PITPNA: variants seen among roughly 807,000 people sequenced by gnomAD.
PITPNA encodes phosphatidylinositol transfer protein alpha, also known as phosphatidylinositol transfer protein alpha isoform.
In PITPNA, 13 loss-of-function variants were observed where a neutral mutation model predicts 50.3. That is an observed-to-expected ratio of 0.26 (90% CI 0.17 to 0.41). PITPNA has a LOEUF of 0.41. PITPNA is among the 10% of genes least tolerant of loss of function. The pLI, the probability that PITPNA is intolerant of heterozygous loss-of-function variation, is 1.00. For missense variants in PITPNA, 207 were observed against 333.4 expected (o/e 0.62, Z 2.95); for synonymous variants, 120 against 119.6 (o/e 1.00, Z -0.02).
At position 1,518,743 on chromosome 17, in the gene PITPNA, T is replaced by TC. The variant is rs969599693; in HGVS notation, c.*1817dup. ...TTTCAAGATAACCCGCATCTGGACT[T>TC]CCCCTAGTTGATGAATGAAGGAACA... On this transcript the variant is annotated 3_prime_UTR_variant, in exon 12 of 12. Coordinates refer to ENST00000313486, the MANE Select transcript of PITPNA (RefSeq NM_006224.4). 6.6e-6 allele frequency: 1 copy of TC among 152,204 alleles called. No individual in the cohort carries two copies. The highest frequency in any genetic ancestry group is 1.9e-4 in the East Asian group (1 of 5,202). 9.4% of individuals were successfully genotyped at this position (152,204 alleles called of 1,614,324 possible). A position where few individuals can be genotyped will look rare whatever the true frequency, so the allele number is the denominator to read the frequency against.
At chr17:1,555,451 G>C (rs867982564) in intron 2 of PITPNA, among the ~76,000 whole-genome samples, 1 of 152,146 alleles carries the variant, frequency 6.6e-6, no homozygotes, top group Non-Finnish European at 1.5e-5. Flanking sequence ...AGCCAGACTC[G>C]GATGGGGCAG....
chr17:1,540,657 C>T (rs973720564), intron 6 of PITPNA, among the ~76,000 whole-genome samples: 2 of 151,270 alleles, frequency 1.3e-5, no homozygotes, highest in South Asian at 2.1e-4. Context: ...GGCGTGATCT[C>T]GGCTCACTGC....
In PITPNA at chr17:1,551,216, A is replaced by G. The variant is rs561162096; in HGVS notation, c.197+1788T>C. On this transcript the variant is annotated intron_variant, in intron 3 of 11. Coordinates refer to ENST00000313486, the MANE Select transcript of PITPNA (RefSeq NM_006224.4). ...TGGGCAGCCAGATGGCTGACACAGT[A>G]AAGCTTCTCTTGTCACCATGGGGAG... Among the ~76,000 whole-genome samples, 3 of 152,158 alleles carry G rather than the reference A, an allele frequency of 2.0e-5. 1 individual carries two copies. In the East Asian group the frequency reaches 5.8e-4, roughly 29 times the overall value.
At chr17:1,560,453 G>C (rs2075762630) in intron 1 of PITPNA, among the ~76,000 whole-genome samples, 1 of 152,210 alleles carries the variant, frequency 6.6e-6, no homozygotes, top group Admixed American at 6.5e-5. Context: ...CACGAGTCGG[G>C]CAGGAAGGAA....
intron 5 of PITPNA, chr17:1,541,862 A>G: frequency 6.2e-6 from 4 of 640,010 alleles, no homozygotes; most frequent in South Asian, 6.1e-5. Flanking sequence ...AATCACCCTC[A>G]TTTTACAGAT....
At chr17:1,531,744 C>T (rs1461112730) in intron 10 of PITPNA, among the ~76,000 whole-genome samples, 5 of 151,918 alleles carry the variant, frequency 3.3e-5, no homozygotes, top group African/African-American at 4.8e-5. Flanking sequence ...CAACAACCAT[C>T]GGAATTACAA....
intron 10 of PITPNA, among the ~76,000 whole-genome samples, chr17:1,523,896 T>C (rs905327051): frequency 6.6e-5 from 10 of 151,678 alleles, no homozygotes; most frequent in African/African-American, 2.4e-4. Flanking sequence ...TGGACTTAAG[T>C]AGTCCTCCCG....
chr17:1,554,373 G>A (rs1038302632), intron 2 of PITPNA, among the ~76,000 whole-genome samples: 29 of 145,650 alleles, frequency 2.0e-4, no homozygotes, highest in African/African-American at 7.1e-4. Context: ...CCGGGGGGAA[G>A]ACAAGGGTGT....
intron 10 of PITPNA, among the ~76,000 whole-genome samples, chr17:1,529,860 A>G (rs78288731): frequency 8.3e-6 from 1 of 120,142 alleles, no homozygotes; most frequent in South Asian, 2.3e-4. Flanking sequence ...GTTTCAAAAG[A>G]AAAAAAAAAA....
In PITPNA at chr17:1,518,703, A is replaced by G. The variant is rs990911064; in HGVS notation, c.*1858T>C. 6.6e-6 allele frequency: 1 copy of G among 152,228 alleles called. No individual in the cohort carries two copies. The highest frequency in any genetic ancestry group is 1.5e-5 in the Non-Finnish European group (1 of 68,044). The allele number at this position is 152,228 out of a possible 1,614,324, so 9.4% of individuals were successfully genotyped here. On this transcript the variant is annotated 3_prime_UTR_variant, in exon 12 of 12. Coordinates refer to ENST00000313486, the MANE Select transcript of PITPNA (RefSeq NM_006224.4). ...CCACATAGACAACTGTCTGCCTAGA[A>G]TGTCAGTTTGTTTCTTTCAAGATAA...
At chr17:1,551,338 C>G (rs2075708252) in intron 3 of PITPNA, among the ~76,000 whole-genome samples, 1 of 150,324 alleles carries the variant, frequency 6.7e-6, no homozygotes, top group Non-Finnish European at 1.5e-5. Context: ...GTGGCCCAGG[C>G]TGGAGTGCAG....
intron 1 of PITPNA, among the ~76,000 whole-genome samples, chr17:1,561,510 C>T (rs1172300648): frequency 6.6e-6 from 1 of 152,036 alleles, no homozygotes; most frequent in Non-Finnish European, 1.5e-5. Flanking sequence ...CCATCTCCAA[C>T]GGCAGGTATA....
At chr17:1,553,819 C>T (rs1164884581) in intron 2 of PITPNA, among the ~76,000 whole-genome samples, 1 of 152,146 alleles carries the variant, frequency 6.6e-6, no homozygotes. Flanking sequence ...AGTCTTAGGC[C>T]TCTCCTCACC....
chr17:1,521,493 C>T lies in PITPNA; in HGVS notation c.*22+86G>A, dbSNP rs952869945. ...CTAGAGGGAAGGAGGAATAGGTTTTCTGACTCCATAGTGAGCTGCTGAGGC... is the reference window on the plus strand; with the variant it reads ...CTAGAGGGAAGGAGGAATAGGTTTTTTGACTCCATAGTGAGCTGCTGAGGC... On this transcript the variant is annotated intron_variant, in intron 11 of 11. Transcript: ENST00000313486. The T allele has an allele frequency of 6.8e-6, 6 of 881,152 alleles. No individual in the cohort carries two copies. The Admixed American group carries it at 8.9e-5, about 13-fold the overall frequency. 54.6% of individuals were successfully genotyped at this position (881,152 alleles called of 1,614,324 possible). A position where few individuals can be genotyped will look rare whatever the true frequency, so the allele number is the denominator to read the frequency against.
At chr17:1,525,485 GT>G (rs2075541802) in intron 10 of PITPNA, among the ~76,000 whole-genome samples, 1 of 146,624 alleles carries the variant, frequency 6.8e-6, no homozygotes, top group Non-Finnish European at 1.5e-5. Context: ...ATCTCTGGCA[GT>G]AGTTCTCCAC....
intron 5 of PITPNA, among the ~76,000 whole-genome samples, 152 bp downstream of exon 5, chr17:1,542,868 G>C (rs1247672694): frequency 1.3e-5 from 2 of 152,142 alleles, no homozygotes; most frequent in Non-Finnish European, 2.9e-5. Flanking sequence ...CCAGTTAACA[G>C]GTTCCTTGTT....
intron 10 of PITPNA, among the ~76,000 whole-genome samples, chr17:1,523,125 T>C (rs1287762899): frequency 6.6e-6 from 1 of 150,678 alleles, no homozygotes; most frequent in Non-Finnish European, 1.5e-5. Context: ...AAGCACCAAG[T>C]GGTCCCTGTC....
At chr17:1,561,037 A>G (rs1244170593) in intron 1 of PITPNA, among the ~76,000 whole-genome samples, 1 of 152,138 alleles carries the variant, frequency 6.6e-6, no homozygotes, top group Non-Finnish European at 1.5e-5. Context: ...GCTGCCTCAC[A>G]AGTTGCTCTC....
chr17:1,521,127 AAAG>A (rs958944209), intron 11 of PITPNA, among the ~76,000 whole-genome samples: 3 of 152,196 alleles, frequency 2.0e-5, no homozygotes, highest in African/African-American at 7.2e-5. Context: ...TCGGGGGTAT[AAAG>A]AAGGAAATGA....
Sources: allele counts gnomAD v4.1 joint callset (sites outside exome capture counted in the v4.1 genomes callset), GRCh38; gene constraint gnomAD v4.1.1; transcripts MANE v1.5; gene names NCBI Gene and HGNC (gene_info 2026-07-23, HGNC 2026-07-21).